The following KLRG1 variants were observed in gnomAD, a reference collection of about 807,000 sequenced individuals.
The protein encoded by KLRG1 is killer cell lectin like receptor G1, also known as killer cell lectin-like receptor subfamily G member 1.
In KLRG1, 16 loss-of-function variants were observed where a neutral mutation model predicts 21.8. The observed-to-expected ratio is 0.73, with a 90% CI of 0.50 to 1.11. The LOEUF (loss-of-function observed/expected upper bound fraction) is 1.11. Among genes scored for constraint, KLRG1 ranks in the 50% most tolerant of loss-of-function variants. KLRG1 has a pLI of 0.00. For synonymous variants in KLRG1, 69 were observed against 75.9 expected (o/e 0.91, Z 0.47); for missense variants, 173 against 218.3 (o/e 0.79, Z 1.31).
At chr12:9,014,465 T>C (rs965961186), downstream of KLRG1, among the ~76,000 whole-genome samples, 21 of 152,016 alleles carry the variant, frequency 1.4e-4, no homozygotes, top group Admixed American at 6.6e-5. Context: ...ATATTTAAAG[T>C]GCTGAAGGAA....
chr12:9,048,680 C>T, the KLRG1 span, among the ~76,000 whole-genome samples: 4 of 152,272 alleles, frequency 2.6e-5, no homozygotes, highest in East Asian at 7.7e-4. Context: ...TAAAAACTCT[C>T]CAAACTCAAC....
chr12:9,087,783 A>T, the KLRG1 span, among the ~76,000 whole-genome samples: 2 of 152,142 alleles, frequency 1.3e-5, no homozygotes, highest in Non-Finnish European at 2.9e-5. Context: ...TTTACAATGT[A>T]ATTAAAGAAC....
chr12:9,152,454 C>CA, the KLRG1 span: 1 of 653,772 alleles, frequency 1.5e-6, no homozygotes, highest in Non-Finnish European at 2.7e-6. Context: ...TGGACTTGTG[C>CA]AACACTGACA....
the KLRG1 span, chr12:9,208,469 A>T: frequency 8.8e-6 from 6 of 680,538 alleles, no homozygotes; most frequent in Non-Finnish European, 1.6e-5. Context: ...GCCTCTGAAT[A>T]GAGTTCAGAA....
chr12:9,072,865 C>T, the KLRG1 span: 1 of 1,613,636 alleles, frequency 6.2e-7, no homozygotes, highest in Non-Finnish European at 8.5e-7. Context: ...AGAGCCACCA[C>T]TGTGTCCTGT....
At chr12:9,058,564 T>G in the KLRG1 span, 6 of 152,296 alleles carry the variant, frequency 3.9e-5, no homozygotes, top group South Asian at 4.1e-4. Flanking sequence ...TATGCTCATT[T>G]TAATATAAAC....
In KLRG1 at chr12:9,010,388, C is replaced by A. The variant is rs115603234; in HGVS notation, c.*851C>A. ...CTTTTCCATTATGTGACTGTTTGACCTGCATATTAATTTCAAGATAGCAGT... is the reference window on the plus strand; with the variant it reads ...CTTTTCCATTATGTGACTGTTTGACATGCATATTAATTTCAAGATAGCAGT... On this transcript the variant is annotated 3_prime_UTR_variant, in exon 5 of 5. Coordinates refer to ENST00000356986, the MANE Select transcript of KLRG1 (RefSeq NM_005810.4). The A allele has an allele frequency of 0.021, 3,675 of 173,290 alleles. 125 individuals are homozygous for A. Among genetic ancestry groups the A allele is most frequent in the African/African-American group, 0.076 (3,223 of 42,224 alleles). The allele number at this position is 173,290 out of a possible 1,614,324, so 10.7% of individuals were successfully genotyped here.
At chr12:9,107,407 C>A in the KLRG1 span, 97 of 1,252,678 alleles carry the variant, frequency 7.7e-5, no homozygotes, top group Non-Finnish European at 1.0e-4. Flanking sequence ...ATTACAATAG[C>A]CAACATGGAA....
At chr12:9,178,387 T>A in the KLRG1 span, among the ~76,000 whole-genome samples, 1 of 152,178 alleles carries the variant, frequency 6.6e-6, no homozygotes, top group Non-Finnish European at 1.5e-5. Context: ...AGTATCTCAG[T>A]GCTTGTGTTC....
chr12:9,099,530 C>T, the KLRG1 span: 1 of 1,604,492 alleles, frequency 6.2e-7, no homozygotes, highest in Admixed American at 1.7e-5. Flanking sequence ...TTCACTGGGG[C>T]ACAAAGAGAA....
chr12:9,072,648 C>A, the KLRG1 span: 1 of 1,613,968 alleles, frequency 6.2e-7, no homozygotes, highest in South Asian at 1.1e-5. Flanking sequence ...GCCCAAGAGT[C>A]TCACCTGGAG....
the KLRG1 span, chr12:9,072,322 ATTC>A: frequency 6.2e-7 from 1 of 1,605,624 alleles, no homozygotes; most frequent in Non-Finnish European, 8.5e-7. Flanking sequence ...ACTGGTGGTT[ATTC>A]TTAGGATTAG....
At chr12:9,150,709 A>C in the KLRG1 span, 1 of 1,613,132 alleles carries the variant, frequency 6.2e-7, no homozygotes, top group Non-Finnish European at 8.5e-7. Context: ...GATGTCTTGC[A>C]GAACCATGAA....
upstream of KLRG1, among the ~76,000 whole-genome samples, chr12:8,986,575 T>A (rs1946844577): frequency 6.6e-6 from 1 of 152,060 alleles, no homozygotes; most frequent in South Asian, 2.1e-4. Context: ...TATGCTCCCA[T>A]CTTTTTTTTT....
chr12:9,195,163 A>C, the KLRG1 span, among the ~76,000 whole-genome samples: 8 of 152,192 alleles, frequency 5.3e-5, no homozygotes, highest in African/African-American at 1.9e-4. Context: ...TTGGATCTTC[A>C]AAAATTATTT....
the KLRG1 span, among the ~76,000 whole-genome samples, chr12:9,019,047 T>C: frequency 6.6e-6 from 1 of 152,050 alleles, no homozygotes; most frequent in African/African-American, 2.4e-5. Flanking sequence ...ATAACCAGAA[T>C]ATATAAGGAG....
chr12:9,168,890 C>T, the KLRG1 span: 1 of 1,613,818 alleles, frequency 6.2e-7, no homozygotes, highest in South Asian at 1.1e-5. Context: ...CCTTGACCTA[C>T]TGCTCCTGCA....
Position 9,010,281 on chromosome 12 carries a change from T to C in KLRG1, c.*744T>C. 2.4e-6 allele frequency: 1 copy of C among 413,746 alleles called. No individual in the cohort carries two copies. The highest frequency in any genetic ancestry group is 4.3e-6 in the Non-Finnish European group (1 of 232,938). The allele number at this position is 413,746 out of a possible 1,614,324, so 25.6% of individuals were successfully genotyped here. On this transcript the variant is annotated 3_prime_UTR_variant, in exon 5 of 5. Coordinates refer to ENST00000356986, the MANE Select transcript of KLRG1 (RefSeq NM_005810.4). ...CTCCTTCTGAGCTCTTCACACGTAA[T>C]GCAAAAACCCGGTCTTAACTGATTT...
At chr12:8,968,345 A>G (rs1361553841) in intron 1 of KLRG1, among the ~76,000 whole-genome samples, 1 of 152,212 alleles carries the variant, frequency 6.6e-6, no homozygotes, top group Non-Finnish European at 1.5e-5. Context: ...AAGAAATATT[A>G]CTAAGCCTTG....
Sources: gnomAD v4.1 joint callset for allele counts (sites outside exome capture counted in the v4.1 genomes callset) on GRCh38, gnomAD v4.1.1 for gene constraint, MANE v1.5 for transcripts, NCBI Gene and HGNC (gene_info 2026-07-23, HGNC 2026-07-21) for gene names.